Variants in CA10 observed in about 807,000 individuals in gnomAD.
CA10 encodes the protein carbonic anhydrase 10 (inactive).
In CA10, 14 loss-of-function variants were observed where a neutral mutation model predicts 44.2. The observed-to-expected ratio is 0.32, with a 90% CI of 0.21 to 0.50. CA10 has a LOEUF of 0.50. CA10 is among the 20% of genes least tolerant of loss of function. The probability of loss-of-function intolerance (pLI) is 0.99; values close to 1 mark genes in which losing one functional copy is unlikely to be tolerated. For missense variants in CA10, 350 were observed against 409.7 expected (o/e 0.85, Z 1.26); for synonymous variants, 159 against 141.6 (o/e 1.12, Z -0.87).
intron 3 of CA10, among the ~76,000 whole-genome samples, chr17:51,929,710 CT>C (rs1982575017): frequency 6.6e-6 from 1 of 151,920 alleles, no homozygotes; most frequent in Non-Finnish European, 1.5e-5. Flanking sequence ...AATAATTCAC[CT>C]TTTTAAAGAG....
At chr17:51,874,964 T>TTTTTCTTTTC (rs771507952) in intron 3 of CA10, among the ~76,000 whole-genome samples, 11 of 73,350 alleles carry the variant, frequency 1.5e-4, no homozygotes, top group South Asian at 4.0e-4. Flanking sequence ...TTTTTTCTTT[T>TTTTTCTTTTC]TTTTCTTTTC....
At chr17:51,673,285 AG>A (rs1305461393) in intron 4 of CA10, among the ~76,000 whole-genome samples, 1 of 152,210 alleles carries the variant, frequency 6.6e-6, no homozygotes, top group Non-Finnish European at 1.5e-5. Flanking sequence ...CAATTCATGC[AG>A]ATACCTCAGC....
At chr17:51,765,491 G>A (rs1254698433) in intron 3 of CA10, among the ~76,000 whole-genome samples, 7 of 152,182 alleles carry the variant, frequency 4.6e-5, no homozygotes, top group South Asian at 2.1e-4. Context: ...AATTAGAGGC[G>A]TGGAGCTGTA....
intron 3 of CA10, among the ~76,000 whole-genome samples, chr17:51,878,368 G>A (rs1000490193): frequency 1.3e-5 from 2 of 152,026 alleles, no homozygotes; most frequent in Non-Finnish European, 2.9e-5. Flanking sequence ...AATGTAGGAA[G>A]TATGACCCTA....
intron 2 of CA10, among the ~76,000 whole-genome samples, chr17:51,981,218 C>A (rs1041012771): frequency 1.3e-5 from 2 of 151,996 alleles, no homozygotes; most frequent in African/African-American, 2.4e-5. Context: ...AAGACTTGCA[C>A]ACAAATATTC....
chr17:52,093,478 C>T (rs1988322509), intron 1 of CA10, among the ~76,000 whole-genome samples: 1 of 152,182 alleles, frequency 6.6e-6, no homozygotes, highest in South Asian at 2.1e-4. Context: ...ATTGAAACAA[C>T]TCTTCCTCTC....
At chr17:51,960,243 A>G (rs1167035796) in intron 2 of CA10, among the ~76,000 whole-genome samples, 1 of 152,088 alleles carries the variant, frequency 6.6e-6, no homozygotes, top group Non-Finnish European at 1.5e-5. Context: ...GAGAAAACAC[A>G]AATAAAAAAA....
At chr17:51,776,661 A>G (rs1489099941) in intron 3 of CA10, among the ~76,000 whole-genome samples, 1 of 152,252 alleles carries the variant, frequency 6.6e-6, no homozygotes, top group Non-Finnish European at 1.5e-5. Flanking sequence ...TCATACACTT[A>G]GGTCATACTA....
chr17:52,019,427 C>A (rs1047810610), intron 2 of CA10, among the ~76,000 whole-genome samples: 1 of 151,966 alleles, frequency 6.6e-6, no homozygotes, highest in Non-Finnish European at 1.5e-5. Flanking sequence ...ACTGATTCAC[C>A]CTCTCCGAAT....
chr17:51,640,317 CT>C (rs1913027860), intron 6 of CA10, among the ~76,000 whole-genome samples: 1 of 152,164 alleles, frequency 6.6e-6, no homozygotes, highest in African/African-American at 2.4e-5. Context: ...GGGGAAGCAT[CT>C]CTGAGGCTCC....
At chr17:52,058,351 T>G (rs550034426) in intron 2 of CA10, among the ~76,000 whole-genome samples, 4 of 152,290 alleles carry the variant, frequency 2.6e-5, no homozygotes, top group Admixed American at 2.6e-4. Flanking sequence ...CAAAATTTTA[T>G]TTTTACAAAA....
At chr17:52,134,690 T>C (rs533211390) in intron 1 of CA10, among the ~76,000 whole-genome samples, 259 of 152,314 alleles carry the variant, frequency 1.7e-3, no homozygotes, top group Non-Finnish European at 2.6e-3. Context: ...TTATTTCTTT[T>C]TCTCTCCCCT....
intron 3 of CA10, among the ~76,000 whole-genome samples, chr17:51,827,351 C>CACATACACACAA (rs1908055361): frequency 6.6e-6 from 1 of 151,422 alleles, no homozygotes; most frequent in East Asian, 1.9e-4. Context: ...CACACACACA[C>CACATACACACAA]ACATACACAC....
At chr17:52,104,138 C>A (rs1988603613) in intron 1 of CA10, among the ~76,000 whole-genome samples, 1 of 151,880 alleles carries the variant, frequency 6.6e-6, no homozygotes. Context: ...GCTCCTTCCT[C>A]CTTTGGCTCC....
At chr17:51,899,733 T>C (rs1981228381) in intron 3 of CA10, among the ~76,000 whole-genome samples, 1 of 152,118 alleles carries the variant, frequency 6.6e-6, no homozygotes, top group African/African-American at 2.4e-5. Context: ...GGTGCTTCTA[T>C]GTTGGGTGCA....
chr17:51,637,062 G>A (rs529274792), intron 6 of CA10, among the ~76,000 whole-genome samples: 3 of 152,082 alleles, frequency 2.0e-5, no homozygotes, highest in Admixed American at 6.6e-5. Context: ...AAAATTGTGT[G>A]TATTGGAGTT....
chr17:52,133,272 G>C (rs762859009), intron 1 of CA10, among the ~76,000 whole-genome samples: 1 of 152,198 alleles, frequency 6.6e-6, no homozygotes, highest in Non-Finnish European at 1.5e-5. Context: ...CCCAGCGGTG[G>C]GGCATCCGTC....
chr17:51,862,188 A>G (rs1248693004), intron 3 of CA10, among the ~76,000 whole-genome samples: 1 of 152,180 alleles, frequency 6.6e-6, no homozygotes, highest in African/African-American at 2.4e-5. Context: ...TAATGATCTC[A>G]TCTGTATGAT....
intron 2 of CA10, among the ~76,000 whole-genome samples, chr17:52,016,238 T>C (rs1350535667): frequency 6.6e-6 from 1 of 152,112 alleles, no homozygotes; most frequent in Non-Finnish European, 1.5e-5. Context: ...CAGGCAATCT[T>C]TCTGTTCTTA....
Sources: allele counts gnomAD v4.1 joint callset (sites outside exome capture counted in the v4.1 genomes callset), GRCh38; gene constraint gnomAD v4.1.1; transcripts MANE v1.5; gene names NCBI Gene and HGNC (gene_info 2026-07-23, HGNC 2026-07-21).